Variants in SEMA3A observed in about 807,000 individuals in gnomAD.
SEMA3A encodes semaphorin-3A.
SEMA3A carries 29 observed loss-of-function variants against 97.9 expected under a neutral mutation model. The ratio of observed to expected loss-of-function variants is 0.30; its 90% confidence interval spans 0.22 to 0.40. The LOEUF (loss-of-function observed/expected upper bound fraction) is 0.40. SEMA3A is among the 10% of genes least tolerant of loss of function. SEMA3A has a pLI of 1.00. For missense variants in SEMA3A, 763 were observed against 951.3 expected (o/e 0.80, Z 2.60); for synonymous variants, 321 against 323.7 (o/e 0.99, Z 0.09).
intron 2 of SEMA3A, among the ~76,000 whole-genome samples, chr7:84,132,802 A>G (rs368020816): frequency 4.0e-5 from 6 of 150,700 alleles, no homozygotes; most frequent in African/African-American, 7.3e-5. Flanking sequence ...CAGCCTCCCA[A>G]GTAGCTGGGA....
At chr7:84,411,557 T>G (rs1804267141) in intron 1 of SEMA3A, among the ~76,000 whole-genome samples, 1 of 126,856 alleles carries the variant, frequency 7.9e-6, no homozygotes, top group Non-Finnish European at 1.6e-5. Flanking sequence ...ATATTGACAT[T>G]TGGGTATAAT....
chr7:84,035,554 T>C (rs1791912553), intron 6 of SEMA3A, among the ~76,000 whole-genome samples: 1 of 152,036 alleles, frequency 6.6e-6, no homozygotes, highest in Non-Finnish European at 1.5e-5. Context: ...AAAATTAAAA[T>C]CTTAAAGCAA....
chr7:84,415,187 T>C (rs571731371), intron 1 of SEMA3A, among the ~76,000 whole-genome samples: 3 of 152,236 alleles, frequency 2.0e-5, no homozygotes, highest in African/African-American at 7.2e-5. Flanking sequence ...CGCATCTGTA[T>C]AAACAGAAAT....
chr7:84,081,453 C>T (rs1423576753), intron 4 of SEMA3A, among the ~76,000 whole-genome samples: 1 of 151,786 alleles, frequency 6.6e-6, no homozygotes, highest in Non-Finnish European at 1.5e-5. Context: ...ATTATCTGGG[C>T]GTGTTGGTGG....
chr7:84,078,702 T>C (rs1456535532), intron 4 of SEMA3A, among the ~76,000 whole-genome samples: 1 of 151,940 alleles, frequency 6.6e-6, no homozygotes, highest in African/African-American at 2.4e-5. Flanking sequence ...AGCTTTTCAC[T>C]CATTGCTTTA....
At position 84,222,932 on chromosome 7, in the gene SEMA3A, T is replaced by A. The variant is rs528482071; in HGVS notation, c.-82-28264A>T. On this transcript the variant is annotated intron_variant, in intron 3 of 3. Transcript: ENST00000424555. ...AACATAATTATCTGTTCTTAATAAGTTCTTCAGATGATTTCTACACCAGAA... is the reference window on the plus strand; with the variant it reads ...AACATAATTATCTGTTCTTAATAAGATCTTCAGATGATTTCTACACCAGAA... Among the ~76,000 whole-genome samples, 39 of 152,026 alleles carry A rather than the reference T, an allele frequency of 2.6e-4. 3 individuals are homozygous for A. The South Asian group carries it at 7.3e-3, about 28-fold the overall frequency.
intron 2 of SEMA3A, among the ~76,000 whole-genome samples, chr7:84,357,674 T>C (rs937312992): frequency 2.0e-5 from 3 of 151,954 alleles, no homozygotes; most frequent in Non-Finnish European, 4.4e-5. Flanking sequence ...CTGGGTCAGA[T>C]AGTATTTCTA....
intron 4 of SEMA3A, among the ~76,000 whole-genome samples, chr7:84,079,123 T>C (rs1794058170): frequency 2.6e-5 from 4 of 152,158 alleles, no homozygotes; most frequent in Admixed American, 2.0e-4. Flanking sequence ...TTACATTATC[T>C]AGAATGAATC....
chr7:84,170,730 C>T (rs1797359490), intron 1 of SEMA3A, among the ~76,000 whole-genome samples: 1 of 151,864 alleles, frequency 6.6e-6, no homozygotes, highest in Admixed American at 6.6e-5. Context: ...TACAATTGAT[C>T]CTCATGAAAA....
intron 2 of SEMA3A, among the ~76,000 whole-genome samples, chr7:84,359,552 T>C (rs62472621): frequency 0.2 from 30,742 of 151,704 alleles, 3,265 homozygotes; most frequent in Admixed American, 0.26. Context: ...AGTATTTTAT[T>C]GAGGATTTCT....
chr7:84,208,202 C>G (rs1050277244), intron 3 of SEMA3A, among the ~76,000 whole-genome samples: 3 of 152,104 alleles, frequency 2.0e-5, no homozygotes, highest in Non-Finnish European at 2.9e-5. Context: ...ACTGTAATCT[C>G]AGCACTTTGG....
At chr7:83,980,922 C>T (rs1168404807) in intron 14 of SEMA3A, among the ~76,000 whole-genome samples, 2 of 151,744 alleles carry the variant, frequency 1.3e-5, no homozygotes, top group Non-Finnish European at 2.9e-5. Context: ...TAATTAGGCC[C>T]CTGTGTACTA....
At chr7:84,326,559 A>C (rs2115931596) in intron 2 of SEMA3A, among the ~76,000 whole-genome samples, 1 of 152,198 alleles carries the variant, frequency 6.6e-6, no homozygotes, top group African/African-American at 2.4e-5. Context: ...TAAATATTTT[A>C]TGTATATTCA....
At chr7:84,384,797 G>C (rs896008282) in intron 1 of SEMA3A, among the ~76,000 whole-genome samples, 9 of 152,058 alleles carry the variant, frequency 5.9e-5, no homozygotes, top group African/African-American at 2.2e-4. Flanking sequence ...CTAACCTCTG[G>C]AGCAAGGAAA....
Position 84,104,074 on chromosome 7 carries a change from C to T in SEMA3A, c.453+6396G>A, listed in dbSNP as rs1443040152. ...GCTTTGATCCAAACTAGGTATTAGT[C>T]TACAAGGAATAGGAAAACATGTTTA... On this transcript the variant is annotated intron_variant, in intron 4 of 16. Coordinates refer to ENST00000265362, the MANE Select transcript of SEMA3A (RefSeq NM_006080.3). Among the ~76,000 whole-genome samples, 7 of 152,114 alleles carry T rather than the reference C, an allele frequency of 4.6e-5. No individual in the cohort carries two copies. In the East Asian group the frequency reaches 1.4e-3, roughly 29 times the overall value.
At chr7:84,195,474 T>C (rs1798202279), upstream of SEMA3A, 1 of 151,866 alleles carries the variant, frequency 6.6e-6, no homozygotes, top group Non-Finnish European at 1.5e-5. Flanking sequence ...TCAATACAAC[T>C]TTAACCACTG....
chr7:84,262,906 C>G (rs1799894100), intron 3 of SEMA3A, among the ~76,000 whole-genome samples: 1 of 152,046 alleles, frequency 6.6e-6, no homozygotes, highest in Non-Finnish European at 1.5e-5. Context: ...CAGGATCAAG[C>G]TCAGCAAAAG....
intron 4 of SEMA3A, among the ~76,000 whole-genome samples, chr7:84,066,006 A>T (rs1050975899): frequency 3.3e-5 from 5 of 151,628 alleles, no homozygotes; most frequent in Admixed American, 1.3e-4. Context: ...ATGAACATTG[A>T]TGCAAAAATC....
intron 2 of SEMA3A, among the ~76,000 whole-genome samples, chr7:84,369,417 A>G (rs1802923343): frequency 6.6e-6 from 1 of 151,188 alleles, no homozygotes; most frequent in South Asian, 2.1e-4. Flanking sequence ...GACAAGAACA[A>G]AGGCGATACT....
Sources: allele counts gnomAD v4.1 joint callset (sites outside exome capture counted in the v4.1 genomes callset), GRCh38; gene constraint gnomAD v4.1.1; transcripts MANE v1.5; gene names NCBI Gene and HGNC (gene_info 2026-07-23, HGNC 2026-07-21).